MYOM2: variants seen among roughly 807,000 people sequenced by gnomAD.
MYOM2 encodes myomesin 2, also known as myomesin-2.
MYOM2 carries 254 observed loss-of-function variants against 187.6 expected under a neutral mutation model. The ratio of observed to expected loss-of-function variants is 1.35; its 90% confidence interval spans 1.22 to 1.50. The LOEUF is 1.50. Ranked by LOEUF, MYOM2 falls within the 40% of genes most tolerant of loss-of-function variation. The pLI is 0.00. For missense variants in MYOM2, 2,796 were observed against 1,924.0 expected, an observed-to-expected ratio of 1.45 and a Z score of -8.48; for synonymous variants, 981 against 753.8, an observed-to-expected ratio of 1.30 and a Z score of -4.94.
At chr8:2,056,764 C>G (rs1818679728) in intron 3 of MYOM2, among the ~76,000 whole-genome samples, 1 of 152,140 alleles carries the variant, frequency 6.6e-6, no homozygotes, top group Non-Finnish European at 1.5e-5. Flanking sequence ...ATGGAACTGA[C>G]TTCAATAGCA....
chr8:2,092,281 G>C, intron 15 of MYOM2, 65 bp from the exon 16 acceptor site: 3 of 1,554,828 alleles, frequency 1.9e-6, no homozygotes, highest in Non-Finnish European at 2.6e-6. Context: ...AGGGCCGGAA[G>C]ATCTCTGCTG....
chr8:2,098,711 C>G, intron 18 of MYOM2, 146 bp from the exon 19 acceptor site: 1 of 869,206 alleles, frequency 1.2e-6, no homozygotes. Context: ...ACATCGAGGT[C>G]CTTCCTGAAA....
chr8:2,073,320 C>T lies in MYOM2; in HGVS notation c.959-19C>T, dbSNP rs764490380. On this transcript the variant is annotated intron_variant, in intron 9 of 36. Transcript: ENST00000262113. Reference sequence around the variant, plus strand: ...GGGGTGATTTTGGATGCAAACCTTCCGTGTTAACGCTCTTTCAGACGTGCT... The same window carrying T: ...GGGGTGATTTTGGATGCAAACCTTCTGTGTTAACGCTCTTTCAGACGTGCT... 6.9e-6 allele frequency: 11 copies of T among 1,585,766 alleles called. No individual in the cohort carries two copies. The highest frequency in any genetic ancestry group is 5.3e-5 in the Admixed American group (3 of 56,694).
At chr8:2,105,164 C>G (rs539226517) in intron 21 of MYOM2, among the ~76,000 whole-genome samples, 4 of 152,266 alleles carry the variant, frequency 2.6e-5, no homozygotes, top group Admixed American at 2.6e-4. Flanking sequence ...TCATCCACAT[C>G]CAAACCACAG....
chr8:2,079,522 T>G, intron 12 of MYOM2, 38 bp from the exon 13 acceptor site: 2 of 1,609,920 alleles, frequency 1.2e-6, no homozygotes, highest in Non-Finnish European at 1.7e-6. Flanking sequence ...GGGGAAAACT[T>G]CGCATGTCAA....
In MYOM2 at chr8:2,060,393, A is replaced by C. The variant is rs141160315; in HGVS notation, c.653+1148A>C. On this transcript the variant is annotated intron_variant, in intron 6 of 36. Coordinates refer to ENST00000262113, the MANE Select transcript of MYOM2 (RefSeq NM_003970.4). ...AGAGTTACTGTGAGACTCCAATAAG[A>C]AGATGCATGTTGTGTTTATATATGT... Among the ~76,000 whole-genome samples the C allele has an allele frequency of 3.4e-3, 515 of 152,294 alleles. 6 individuals are homozygous for C. The highest frequency in any genetic ancestry group is 0.011 in the African/African-American group (470 of 41,554).
At chr8:2,133,493 C>A (rs1315063555) in intron 32 of MYOM2, among the ~76,000 whole-genome samples, 3 of 152,222 alleles carry the variant, frequency 2.0e-5, no homozygotes, top group Admixed American at 6.5e-5. Context: ...CGGAGTGTTG[C>A]TCTGTCACCC....
rs572901199 is a variant in MYOM2, at chr8:2,057,998, G to GTTTTTTTTTTTTTTTTTTTTTTTTT, written c.560+232_560+256dup. 2.5e-5 allele frequency among the ~76,000 whole-genome samples: 2 copies of GTTTTTTTTTTTTTTTTTTTTTTTTT among 80,716 alleles called. 1 individual carries two copies. The highest frequency in any genetic ancestry group is 9.6e-5 in the African/African-American group (2 of 20,838). 53.0% of individuals were successfully genotyped at this position (80,716 alleles called of 152,430 possible). A position where few individuals can be genotyped will look rare whatever the true frequency, so the allele number is the denominator to read the frequency against. On this transcript the variant is annotated intron_variant, in intron 5 of 36. Transcript: ENST00000262113. Reference sequence around the variant, plus strand: ...ATTGAGTCAACAAATTTTTCAGAGGGTTTTTTTTTTTTTTTTTTTTTTTTT... The same window carrying GTTTTTTTTTTTTTTTTTTTTTTTTT: ...ATTGAGTCAACAAATTTTTCAGAGGGTTTTTTTTTTTTTTTTTTTTTTTTTTTTTTTTTTTTTTTTTTTTTTTTTT...
At chr8:2,077,040 G>C (rs918011369) in intron 11 of MYOM2, among the ~76,000 whole-genome samples, 4 of 152,194 alleles carry the variant, frequency 2.6e-5, no homozygotes, top group African/African-American at 9.6e-5. Flanking sequence ...GGCTGGGCAC[G>C]GTGGCTCACG....
At chr8:2,059,037 A>T in intron 5 of MYOM2, 116 bp from the exon 6 acceptor site, 1 of 787,274 alleles carries the variant, frequency 1.3e-6, no homozygotes, top group African/African-American at 1.7e-5. Flanking sequence ...CTCCCGCCTG[A>T]GGCTCTAAGG....
At chr8:2,064,811 G>T (rs571644420) in intron 6 of MYOM2, among the ~76,000 whole-genome samples, 1 of 152,144 alleles carries the variant, frequency 6.6e-6, no homozygotes, top group Non-Finnish European at 1.5e-5. Flanking sequence ...CCTGGCACCA[G>T]TGATCTTATT....
At chr8:2,052,445 G>C in intron 3 of MYOM2, 132 bp downstream of exon 3, 1 of 947,280 alleles carries the variant, frequency 1.1e-6, no homozygotes, top group Non-Finnish European at 1.5e-6. Context: ...CCTGGGGTGA[G>C]AGGGAGAATG....
In MYOM2 at chr8:2,101,019, G is replaced by C; in HGVS notation, c.2584G>C (p.Val862Leu). The C allele has an allele frequency of 1.9e-6, 3 of 1,614,180 alleles. No individual in the cohort carries two copies. The highest frequency in any genetic ancestry group is 2.5e-6 in the Non-Finnish European group (3 of 1,180,034). The change falls in exon 20 of 37, where the codon GTC (valine) becomes CTC (leucine). Residue 862 changes from valine (V) to leucine (L), a missense_variant. Coordinates refer to ENST00000262113, the MANE Select transcript of MYOM2 (RefSeq NM_003970.4). Reference protein sequence around the residue: ...REEDAGEWITVNQTTTASRYL... With the variant: ...REEDAGEWITLNQTTTASRYL... Reference sequence around the variant, plus strand: ...GGAGGATGCTGGAGAGTGGATCACTGTCAATCAGACGACAACAGCCAGCCG... The same window carrying C: ...GGAGGATGCTGGAGAGTGGATCACTCTCAATCAGACGACAACAGCCAGCCG...
chr8:2,080,255 C>T (rs1267302499), intron 13 of MYOM2, among the ~76,000 whole-genome samples: 2 of 152,184 alleles, frequency 1.3e-5, no homozygotes, highest in Non-Finnish European at 2.9e-5. Context: ...AGTGTGGAGC[C>T]ACTGGCTAGA....
At chr8:2,115,308 C>G (rs1434948180) in intron 25 of MYOM2, among the ~76,000 whole-genome samples, 1 of 152,178 alleles carries the variant, frequency 6.6e-6, no homozygotes, top group African/African-American at 2.4e-5. Context: ...CAAATTTGCT[C>G]AATTCATCTG....
intron 14 of MYOM2, among the ~76,000 whole-genome samples, chr8:2,089,797 T>C (rs997222122): frequency 1.3e-5 from 2 of 152,238 alleles, no homozygotes; most frequent in African/African-American, 4.8e-5. Flanking sequence ...GTAAACATGA[T>C]CAACTTTGGG....
intron 35 of MYOM2, among the ~76,000 whole-genome samples, chr8:2,143,140 C>A (rs944123938): frequency 6.6e-6 from 1 of 152,180 alleles, no homozygotes; most frequent in African/African-American, 2.4e-5. Flanking sequence ...ACCCTTCAAG[C>A]CCAGTTCCCA....
chr8:2,116,655 A>C (rs980870110), intron 27 of MYOM2, among the ~76,000 whole-genome samples: 2 of 152,216 alleles, frequency 1.3e-5, no homozygotes, highest in African/African-American at 4.8e-5. Context: ...AACTACAAAC[A>C]ATATGTTTTA....
intron 30 of MYOM2, 151 bp from the exon 31 acceptor site, chr8:2,124,028 A>G (rs911482239): frequency 2.1e-5 from 16 of 776,630 alleles, no homozygotes; most frequent in Non-Finnish European, 2.7e-5. Context: ...TATCGCACAC[A>G]TAAGTCTTTT....
Sources: gnomAD v4.1 joint callset for allele counts (sites outside exome capture counted in the v4.1 genomes callset) on GRCh38, gnomAD v4.1.1 for gene constraint, MANE v1.5 for transcripts, NCBI Gene and HGNC (gene_info 2026-07-23, HGNC 2026-07-21) for gene names.